The following MAGI3 variants were observed in gnomAD, a reference collection of about 807,000 sequenced individuals.
MAGI3 encodes membrane-associated guanylate kinase, WW and PDZ domain-containing protein 3.
Under a neutral mutation model 121.8 loss-of-function variants are expected in MAGI3, and 43 were observed. The ratio of observed to expected loss-of-function variants is 0.35; its 90% confidence interval spans 0.28 to 0.46. The LOEUF (loss-of-function observed/expected upper bound fraction) is 0.46, where lower values mean the gene tolerates loss of function less well. MAGI3 is among the 20% of genes least tolerant of loss of function. The pLI is 1.00. For missense variants in MAGI3, 1,547 were observed against 1,797.3 expected, an observed-to-expected ratio of 0.86 and a Z score of 2.52; for synonymous variants, 553 against 639.3, an observed-to-expected ratio of 0.86 and a Z score of 2.04.
chr1:113,555,303 G>C (rs1659941606), intron 2 of MAGI3, among the ~76,000 whole-genome samples: 1 of 152,118 alleles, frequency 6.6e-6, no homozygotes, highest in Non-Finnish European at 1.5e-5. Flanking sequence ...AAATTCTTCA[G>C]GTGGAAGAGA....
intron 2 of MAGI3, among the ~76,000 whole-genome samples, chr1:113,575,372 T>C (rs543339771): frequency 2.0e-5 from 3 of 152,350 alleles, no homozygotes; most frequent in Non-Finnish European, 2.9e-5. Flanking sequence ...GATGGGGTTT[T>C]TGGGTGAGCG....
At chr1:113,635,943 G>T (rs962316619) in intron 9 of MAGI3, among the ~76,000 whole-genome samples, 27 of 152,076 alleles carry the variant, frequency 1.8e-4, no homozygotes, top group Admixed American at 3.3e-4. Context: ...CTTCTTCCTG[G>T]TTTAGTCTTG....
intron 2 of MAGI3, among the ~76,000 whole-genome samples, chr1:113,577,932 A>C (rs954336988): frequency 1.3e-5 from 2 of 152,054 alleles, no homozygotes; most frequent in Non-Finnish European, 2.9e-5. Flanking sequence ...TTTATAGTGG[A>C]GTTTATTTGG....
intron 1 of MAGI3, among the ~76,000 whole-genome samples, chr1:113,520,122 G>A (rs1187517441): frequency 1.3e-5 from 2 of 151,800 alleles, no homozygotes; most frequent in Admixed American, 1.3e-4. Context: ...ATATAAACAT[G>A]GTCAGTTCAG....
chr1:113,603,064 A>G (rs771180760), intron 6 of MAGI3, among the ~76,000 whole-genome samples: 5 of 152,178 alleles, frequency 3.3e-5, no homozygotes, highest in Non-Finnish European at 5.9e-5. Flanking sequence ...CATTAGCTAG[A>G]TTAACCAAGA....
intron 2 of MAGI3, among the ~76,000 whole-genome samples, chr1:113,560,396 AAAAC>A (rs746293188): frequency 8.0e-5 from 12 of 150,048 alleles, no homozygotes; most frequent in South Asian, 2.1e-4. Context: ...CAAAAAAACA[AAAAC>A]AAACAAAAAA....
chr1:113,618,009 G>C (rs1287183374), intron 7 of MAGI3, among the ~76,000 whole-genome samples: 1 of 152,140 alleles, frequency 6.6e-6, no homozygotes, highest in Admixed American at 6.5e-5. Flanking sequence ...AGTAGCCTGA[G>C]TGACATGGAG....
At chr1:113,595,906 C>A (rs1323330534) in intron 6 of MAGI3, among the ~76,000 whole-genome samples, 1 of 152,066 alleles carries the variant, frequency 6.6e-6, no homozygotes, top group Non-Finnish European at 1.5e-5. Flanking sequence ...TAGCATGCGC[C>A]TGTAGACCCA....
intron 1 of MAGI3, among the ~76,000 whole-genome samples, chr1:113,513,486 A>C (rs1306776808): frequency 1.3e-5 from 2 of 152,192 alleles, no homozygotes; most frequent in Admixed American, 1.3e-4. Context: ...ATCTACAACT[A>C]TCTGATCTTT....
At chr1:113,439,844 T>A (rs1653823066) in intron 1 of MAGI3, among the ~76,000 whole-genome samples, 1 of 151,014 alleles carries the variant, frequency 6.6e-6, no homozygotes, top group Non-Finnish European at 1.5e-5. Flanking sequence ...AAACTGAAAT[T>A]AATTAATTTC....
chr1:113,603,830 G>C (rs1353371553), intron 6 of MAGI3, among the ~76,000 whole-genome samples: 2 of 152,056 alleles, frequency 1.3e-5, no homozygotes, highest in East Asian at 3.9e-4. Flanking sequence ...AAGGTAAAAA[G>C]TGGACAAATT....
At chr1:113,638,551 C>T (rs80302893) in intron 9 of MAGI3, among the ~76,000 whole-genome samples, 12 of 152,202 alleles carry the variant, frequency 7.9e-5, no homozygotes, top group Non-Finnish European at 1.6e-4. Context: ...AGCGGATTTT[C>T]GTGAACCGTG....
At chr1:113,455,068 T>C (rs1654678378) in intron 1 of MAGI3, among the ~76,000 whole-genome samples, 1 of 151,908 alleles carries the variant, frequency 6.6e-6, no homozygotes, top group Non-Finnish European at 1.5e-5. Flanking sequence ...AAAAGATAAA[T>C]AGTGGGTCAG....
At chr1:113,578,939 T>A (rs748624363) in intron 2 of MAGI3, among the ~76,000 whole-genome samples, 2 of 125,542 alleles carry the variant, frequency 1.6e-5, no homozygotes, top group Non-Finnish European at 3.4e-5. Flanking sequence ...TTATTACCAT[T>A]AATTTGTTAT....
At chr1:113,540,623 C>T (rs1198262993) in intron 1 of MAGI3, among the ~76,000 whole-genome samples, 1 of 152,130 alleles carries the variant, frequency 6.6e-6, no homozygotes, top group African/African-American at 2.4e-5. Context: ...AAGGGTAGAG[C>T]TGGGTGTTGA....
At chr1:113,594,216 C>CTGTTATT (rs2101740956) in intron 5 of MAGI3, among the ~76,000 whole-genome samples, 1 of 152,320 alleles carries the variant, frequency 6.6e-6, no homozygotes, top group Admixed American at 6.5e-5. Context: ...TAAATAGTGT[C>CTGTTATT]TGTTATTCCA....
chr1:113,391,004 G>C lies in MAGI3; in HGVS notation c.-30G>C, dbSNP rs1650759696. The C allele has an allele frequency of 1.3e-6, 2 of 1,516,810 alleles. No individual in the cohort carries two copies. Among genetic ancestry groups the C allele is most frequent in the African/African-American group, 1.5e-5 (1 of 68,954 alleles). The allele number at this position is 1,516,810 out of a possible 1,614,324, so 94.0% of individuals were successfully genotyped here. On this transcript the variant is annotated 5_prime_UTR_variant, in exon 1 of 21. Transcript: ENST00000307546. The surrounding 1 kb of genome is among the most constrained non-coding windows in gnomAD (Gnocchi z 4.4). ...AGCGGCGCCCCGGCCGCCCGCGCGG[G>C]GTCTCCCCCATGGTGCAGCGGGGTT...
intron 1 of MAGI3, among the ~76,000 whole-genome samples, chr1:113,482,079 ATTAAAT>A (rs1656141058): frequency 6.6e-6 from 1 of 151,928 alleles, no homozygotes; most frequent in Non-Finnish European, 1.5e-5. Context: ...TTAATATAAA[ATTAAAT>A]TTAAATATTT....
chr1:113,537,043 G>A (rs1659039530), intron 1 of MAGI3, among the ~76,000 whole-genome samples: 2 of 152,082 alleles, frequency 1.3e-5, no homozygotes, highest in African/African-American at 4.8e-5. Context: ...AAGCCCATTA[G>A]TGCTATTTCT....
Sources: gnomAD v4.1 joint callset for allele counts (sites outside exome capture counted in the v4.1 genomes callset) on GRCh38, gnomAD v4.1.1 for gene constraint, Gnocchi (gnomAD v3.1) non-coding constraint, MANE v1.5 for transcripts, NCBI Gene and HGNC (gene_info 2026-07-23, HGNC 2026-07-21) for gene names.